AFG2A: variants seen among roughly 807,000 people sequenced by gnomAD.
AFG2A encodes ATPase family gene 2 protein homolog A.
At chr4:123,002,481 C>G in the AFG2A span, among the ~76,000 whole-genome samples, 2 of 152,274 alleles carry the variant, frequency 1.3e-5, no homozygotes, top group Admixed American at 6.5e-5. Flanking sequence ...CCTTCAGGAG[C>G]TCTTTTAGGG....
At chr4:123,020,382 T>C in the AFG2A span, among the ~76,000 whole-genome samples, 1 of 151,914 alleles carries the variant, frequency 6.6e-6, no homozygotes, top group African/African-American at 2.4e-5. Context: ...TTTTTTTTTT[T>C]TCTGAGACGG....
the AFG2A span, among the ~76,000 whole-genome samples, chr4:123,074,302 C>T: frequency 1.6e-4 from 24 of 152,004 alleles, no homozygotes; most frequent in Admixed American, 1.2e-3. Context: ...CAGCTGTTGG[C>T]CAGGCTGGTC....
the AFG2A span, among the ~76,000 whole-genome samples, chr4:123,068,641 T>G: frequency 6.6e-6 from 1 of 152,162 alleles, no homozygotes; most frequent in African/African-American, 2.4e-5. Context: ...CATTCATACC[T>G]GCCAACAAGA....
the AFG2A span, among the ~76,000 whole-genome samples, chr4:123,308,985 C>T: frequency 1.1e-4 from 17 of 152,204 alleles, no homozygotes; most frequent in Non-Finnish European, 2.1e-4. Context: ...ATGTCTATTC[C>T]TTGTGTTTCT....
the AFG2A span, among the ~76,000 whole-genome samples, chr4:122,937,136 A>G: frequency 6.6e-6 from 1 of 152,086 alleles, no homozygotes; most frequent in Non-Finnish European, 1.5e-5. Context: ...GGCAACACAC[A>G]CCCCGTCTCA....
chr4:123,315,440 C>CG, the AFG2A span: 1 of 151,310 alleles, frequency 6.6e-6, no homozygotes, highest in Admixed American at 6.6e-5. Flanking sequence ...GTGATCCGCC[C>CG]GCCTCGGCCT....
At chr4:123,022,802 T>C in the AFG2A span, among the ~76,000 whole-genome samples, 1 of 152,058 alleles carries the variant, frequency 6.6e-6, no homozygotes, top group Non-Finnish European at 1.5e-5. Flanking sequence ...CCAACAATGA[T>C]AGACAGGATT....
At chr4:122,964,588 T>G in the AFG2A span, among the ~76,000 whole-genome samples, 1 of 152,146 alleles carries the variant, frequency 6.6e-6, no homozygotes, top group Non-Finnish European at 1.5e-5. Flanking sequence ...GTACATTCCC[T>G]TATTTCACAG....
the AFG2A span, among the ~76,000 whole-genome samples, chr4:122,949,399 A>T: frequency 6.6e-6 from 1 of 152,168 alleles, no homozygotes; most frequent in Non-Finnish European, 1.5e-5. Context: ...GAAGGGGAAT[A>T]GGTGAAGGTC....
chr4:123,273,232 A>G, the AFG2A span, among the ~76,000 whole-genome samples: 1 of 152,136 alleles, frequency 6.6e-6, no homozygotes, highest in South Asian at 2.1e-4. Flanking sequence ...CTACGTTAAC[A>G]TTGGGTTTTA....
the AFG2A span, among the ~76,000 whole-genome samples, chr4:123,188,429 A>G: frequency 2.0e-4 from 31 of 152,314 alleles, no homozygotes; most frequent in African/African-American, 7.5e-4. Context: ...TATTAATAAC[A>G]TTTCTGCAGT....
chr4:123,230,805 T>C, the AFG2A span, among the ~76,000 whole-genome samples: 3 of 151,976 alleles, frequency 2.0e-5, no homozygotes, highest in African/African-American at 7.2e-5. Flanking sequence ...ATGGATGTTG[T>C]GTTAACAAGG....
chr4:123,153,153 C>T, the AFG2A span, among the ~76,000 whole-genome samples: 2 of 152,162 alleles, frequency 1.3e-5, no homozygotes, highest in African/African-American at 4.8e-5. Context: ...CCTAGAATGT[C>T]CACAGTGGCT....
chr4:122,971,484 A>G, the AFG2A span, among the ~76,000 whole-genome samples: 2 of 152,210 alleles, frequency 1.3e-5, no homozygotes, highest in Non-Finnish European at 1.5e-5. Flanking sequence ...ATTATGTTAT[A>G]GTTTTCTATG....
At chr4:123,225,214 A>G in the AFG2A span, among the ~76,000 whole-genome samples, 1 of 152,056 alleles carries the variant, frequency 6.6e-6, no homozygotes, top group South Asian at 2.1e-4. Context: ...TCTTTAGTTT[A>G]TTAGATCCTA....
the AFG2A span, among the ~76,000 whole-genome samples, chr4:123,035,798 TA>T: frequency 6.6e-6 from 1 of 152,084 alleles, no homozygotes; most frequent in Admixed American, 6.6e-5. Flanking sequence ...CAATAAGAAC[TA>T]TAACAAAACC....
chr4:123,175,834 A>G, the AFG2A span, among the ~76,000 whole-genome samples: 14 of 152,202 alleles, frequency 9.2e-5, no homozygotes, highest in Admixed American at 7.2e-4. Context: ...TGTTCAGGCA[A>G]TGCCCTCCAG....
At chr4:123,107,999 G>A in the AFG2A span, among the ~76,000 whole-genome samples, 1 of 152,204 alleles carries the variant, frequency 6.6e-6, no homozygotes, top group Non-Finnish European at 1.5e-5. Context: ...ATGCCTGGGT[G>A]CAGAGTCACG....
At chr4:123,059,309 C>T in the AFG2A span, among the ~76,000 whole-genome samples, 3 of 137,792 alleles carry the variant, frequency 2.2e-5, no homozygotes, top group East Asian at 4.6e-4. Flanking sequence ...CCCCCTCCCC[C>T]GACCCCACAA....
Sources: gnomAD v4.1 joint callset for allele counts (sites outside exome capture counted in the v4.1 genomes callset) on GRCh38, gnomAD v4.1.1 for gene constraint, MANE v1.5 for transcripts, NCBI Gene and HGNC (gene_info 2026-07-23, HGNC 2026-07-21) for gene names.